RGS6: variants seen among roughly 807,000 people sequenced by gnomAD.
The protein encoded by RGS6 is regulator of G-protein signaling 6.
Under a neutral mutation model 78.5 loss-of-function variants are expected in RGS6, and 30 were observed. That is an observed-to-expected ratio of 0.38 (90% CI 0.29 to 0.52). The LOEUF (loss-of-function observed/expected upper bound fraction) is 0.52, where lower values mean the gene tolerates loss of function less well. Among genes scored for constraint, RGS6 ranks in the 20% least tolerant of loss-of-function variants. The probability of loss-of-function intolerance (pLI) is 0.85; values close to 1 mark genes in which losing one functional copy is unlikely to be tolerated. For missense variants in RGS6, 495 were observed against 609.7 expected, an observed-to-expected ratio of 0.81 and a Z score of 1.98; for synonymous variants, 206 against 206.0, an observed-to-expected ratio of 1.00 and a Z score of 0.00.
intron 2 of RGS6, among the ~76,000 whole-genome samples, chr14:72,087,466 G>A (rs1283769197): frequency 6.6e-6 from 1 of 152,008 alleles, no homozygotes; most frequent in Non-Finnish European, 1.5e-5. Flanking sequence ...TTAATGGAAT[G>A]CAATGGAATA....
intron 3 of RGS6, among the ~76,000 whole-genome samples, chr14:72,388,983 T>A (rs892572539): frequency 1.3e-5 from 2 of 152,218 alleles, no homozygotes; most frequent in Non-Finnish European, 2.9e-5. Flanking sequence ...GTTACTGTGA[T>A]GTCACATGCC....
intron 2 of RGS6, among the ~76,000 whole-genome samples, chr14:71,969,983 G>C (rs1465535981): frequency 6.6e-6 from 1 of 152,130 alleles, no homozygotes; most frequent in East Asian, 1.9e-4. Context: ...AAATTGGATT[G>C]AGATAAAGCC....
chr14:72,309,695 C>G (rs1486840199), intron 2 of RGS6, among the ~76,000 whole-genome samples: 2 of 152,226 alleles, frequency 1.3e-5, no homozygotes, highest in East Asian at 3.8e-4. Flanking sequence ...CTTTTAAGCT[C>G]TGTGCTCTTT....
intron 2 of RGS6, among the ~76,000 whole-genome samples, chr14:72,095,333 G>C (rs1000332847): frequency 6.6e-6 from 1 of 152,122 alleles, no homozygotes; most frequent in South Asian, 2.1e-4. Context: ...TACTGTCAGA[G>C]ACCCAGTTTC....
chr14:71,973,548 G>A (rs747987752), intron 2 of RGS6, among the ~76,000 whole-genome samples: 3 of 152,090 alleles, frequency 2.0e-5, no homozygotes, highest in Non-Finnish European at 4.4e-5. Context: ...GGCCAGGCAT[G>A]GTGGCACACG....
chr14:71,896,572 AG>A, the RGS6 span, among the ~76,000 whole-genome samples: 2 of 152,192 alleles, frequency 1.3e-5, no homozygotes, highest in Non-Finnish European at 2.9e-5. Context: ...CCGGTGACTT[AG>A]AATGCCTTAG....
At chr14:72,415,682 A>T (rs1597189234) in intron 3 of RGS6, among the ~76,000 whole-genome samples, 1 of 151,604 alleles carries the variant, frequency 6.6e-6, no homozygotes, top group Non-Finnish European at 1.5e-5. Context: ...TCTTGGCTCC[A>T]CCCCCCCGGC....
intron 11 of RGS6, chr14:72,477,179 G>A (rs930154590): frequency 4.0e-6 from 1 of 247,322 alleles, no homozygotes; most frequent in Non-Finnish European, 7.8e-6. Context: ...TAATTGGAAT[G>A]CACCAGCTCA....
At chr14:72,431,309 G>A (rs545983945) in intron 3 of RGS6, among the ~76,000 whole-genome samples, 1 of 152,182 alleles carries the variant, frequency 6.6e-6, no homozygotes, top group South Asian at 2.1e-4. Flanking sequence ...TGATGAGATA[G>A]GGCCCTGAAA....
chr14:72,627,052 T>C, the RGS6 span, among the ~76,000 whole-genome samples: 1 of 152,016 alleles, frequency 6.6e-6, no homozygotes, highest in Non-Finnish European at 1.5e-5. Flanking sequence ...TCTTTTTATA[T>C]AGGGAATTAG....
intron 2 of RGS6, among the ~76,000 whole-genome samples, chr14:72,173,318 C>A (rs1003896467): frequency 6.6e-6 from 1 of 152,068 alleles, no homozygotes; most frequent in Non-Finnish European, 1.5e-5. Flanking sequence ...AGTGGATAAA[C>A]CTCTAGAACC....
At chr14:72,093,399 C>G (rs1176662362) in intron 2 of RGS6, among the ~76,000 whole-genome samples, 1 of 152,078 alleles carries the variant, frequency 6.6e-6, no homozygotes, top group East Asian at 1.9e-4. Context: ...CATGCCACCA[C>G]GCCCACCTAA....
At chr14:72,156,920 C>A (rs2096781291) in intron 2 of RGS6, among the ~76,000 whole-genome samples, 1 of 152,066 alleles carries the variant, frequency 6.6e-6, no homozygotes, top group African/African-American at 2.4e-5. Context: ...TTCATGCCAA[C>A]CAAGACTGAG....
intron 1 of RGS6, among the ~76,000 whole-genome samples, chr14:71,948,750 T>TC (rs2091927515): frequency 7.1e-6 from 1 of 141,218 alleles, no homozygotes; most frequent in African/African-American, 2.7e-5. Context: ...CTTTTTTTTT[T>TC]TTTTTTTTTT....
chr14:71,915,767 C>T, the RGS6 span, among the ~76,000 whole-genome samples: 1 of 152,300 alleles, frequency 6.6e-6, no homozygotes, highest in East Asian at 1.9e-4. Flanking sequence ...CCCCTAGTAC[C>T]TCAGAATGTG....
At chr14:71,977,884 C>A (rs1047712141) in intron 2 of RGS6, among the ~76,000 whole-genome samples, 3 of 151,962 alleles carry the variant, frequency 2.0e-5, no homozygotes, top group African/African-American at 7.2e-5. Flanking sequence ...ATTGATTCTC[C>A]CTACCCATGA....
intron 1 of RGS6, among the ~76,000 whole-genome samples, chr14:71,934,060 T>TG (rs1172555439): frequency 1.3e-5 from 2 of 152,158 alleles, no homozygotes; most frequent in Admixed American, 1.3e-4. Flanking sequence ...GGGACTATGG[T>TG]GGGAAACTTT....
intron 2 of RGS6, among the ~76,000 whole-genome samples, chr14:72,125,848 GGTT>G (rs2096178406): frequency 6.6e-6 from 1 of 152,152 alleles, no homozygotes; most frequent in African/African-American, 2.4e-5. Flanking sequence ...CTAGTTGATG[GGTT>G]GGTGGTCTCA....
chr14:72,407,566 G>A (rs1046311917), intron 3 of RGS6, among the ~76,000 whole-genome samples: 8 of 152,334 alleles, frequency 5.3e-5, no homozygotes, highest in African/African-American at 1.7e-4. Context: ...GTTGAGTGCT[G>A]TATTTTTTAA....
Sources: allele counts gnomAD v4.1 joint callset (sites outside exome capture counted in the v4.1 genomes callset), GRCh38; gene constraint gnomAD v4.1.1; transcripts MANE v1.5; gene names NCBI Gene and HGNC (gene_info 2026-07-23, HGNC 2026-07-21).